KDM3B: variants seen among roughly 807,000 people sequenced by gnomAD.
KDM3B encodes lysine-specific demethylase 3B.
In KDM3B, 10 loss-of-function variants were observed where a neutral mutation model predicts 170.0. The ratio of observed to expected loss-of-function variants is 0.06; its 90% confidence interval spans 0.04 to 0.10. The LOEUF (loss-of-function observed/expected upper bound fraction) is 0.10. KDM3B is among the 10% of genes least tolerant of loss of function. The pLI, the probability that KDM3B is intolerant of heterozygous loss-of-function variation, is 1.00. For missense variants in KDM3B, 1,394 were observed against 2,195.2 expected (o/e 0.64, Z 7.29); for synonymous variants, 831 against 834.8 (o/e 1.00, Z 0.08).
chr5:138,372,640 G>A (rs1761902329), intron 1 of KDM3B, 34 bp from the exon 2 acceptor site: 1 of 1,588,136 alleles, frequency 6.3e-7, no homozygotes, highest in South Asian at 1.1e-5. Flanking sequence ...ATTTTTCCAA[G>A]TGTGACTTCC....
At chr5:138,423,676 C>T (rs546437466) in intron 15 of KDM3B, among the ~76,000 whole-genome samples, 21 of 152,232 alleles carry the variant, frequency 1.4e-4, no homozygotes, top group Admixed American at 1.2e-3. Flanking sequence ...TATTGTATCC[C>T]TTGGGCATGC....
At chr5:138,420,666 C>T in intron 14 of KDM3B, 40 bp from the exon 15 acceptor site, 1 of 1,608,278 alleles carries the variant, frequency 6.2e-7, no homozygotes, top group Non-Finnish European at 8.5e-7. Context: ...CTGATTATTC[C>T]TTTTTGTACC....
chr5:138,408,291 C>T (rs1762874919), intron 11 of KDM3B, among the ~76,000 whole-genome samples: 1 of 151,760 alleles, frequency 6.6e-6, no homozygotes, highest in South Asian at 2.1e-4. Flanking sequence ...ACCAACTGGT[C>T]TGGGAGTCCC....
At chr5:138,406,398 C>CT (rs1762822039) in intron 11 of KDM3B, among the ~76,000 whole-genome samples, 1 of 152,050 alleles carries the variant, frequency 6.6e-6, no homozygotes, top group Non-Finnish European at 1.5e-5. Context: ...AATCCCAGCA[C>CT]TTTGGGAGGC....
chr5:138,397,932 G>A, intron 9 of KDM3B: 1 of 391,352 alleles, frequency 2.6e-6, no homozygotes, highest in Non-Finnish European at 4.6e-6. Context: ...GGGTGCAGGT[G>A]TAGAACAGGT....
chr5:138,419,604 A>C (rs7720215), intron 14 of KDM3B, among the ~76,000 whole-genome samples: 5,793 of 146,398 alleles, frequency 0.04, 169 homozygotes, highest in South Asian at 0.11. Context: ...GCAGTGAGCC[A>C]AGATCATGCC....
chr5:138,406,419 G>A (rs1762822402), intron 11 of KDM3B, among the ~76,000 whole-genome samples: 1 of 152,150 alleles, frequency 6.6e-6, no homozygotes, highest in African/African-American at 2.4e-5. Context: ...TGAGGCAGGT[G>A]GATCACCTGA....
chr5:138,423,954 T>G (rs900896682), intron 15 of KDM3B, 121 bp from the exon 16 acceptor site: 1 of 917,706 alleles, frequency 1.1e-6, no homozygotes, highest in Admixed American at 2.7e-5. Context: ...ATTTTAATAA[T>G]TTTTGTAGAA....
rs998159830 is a variant in KDM3B, at chr5:138,352,869, C to T, written c.74C>T (p.Ser25Leu). Residue 25 changes from serine to leucine, a missense_variant, in exon 1 of 24, where the codon TCG becomes TTG. Ser to Leu is a moderately radical substitution (Grantham distance 145, BLOSUM62 -2). Around this residue, in one of 19 missense-constraint regions of KDM3B, gnomAD observed 99 missense variants for 97.5 expected, o/e 1.02. Transcript: ENST00000314358. ...LLFADTAASASASAPAAAAAS... is the reference protein window; with the variant it reads ...LLFADTAASALASAPAAAAAS... ...TTCGCGGACACTGCGGCCTCAGCCTCGGCCTCGGCTCCCGCGGCGGCAGCG... is the reference window on the plus strand; with the variant it reads ...TTCGCGGACACTGCGGCCTCAGCCTTGGCCTCGGCTCCCGCGGCGGCAGCG... The T allele has an allele frequency of 1.7e-5, 23 of 1,377,694 alleles. No homozygotes were observed. Among genetic ancestry groups the T allele is most frequent in the Non-Finnish European group, 2.1e-5 (22 of 1,062,448 alleles). 85.3% of individuals were successfully genotyped at this position (1,377,694 alleles called of 1,614,324 possible).
chr5:138,380,448 C>T lies in KDM3B; in HGVS notation c.705+740C>T, dbSNP rs535462795. Among the ~76,000 whole-genome samples the T allele has an allele frequency of 2.0e-5, 3 of 151,214 alleles. No homozygotes were observed. In the South Asian group the frequency reaches 6.3e-4, roughly 32 times the overall value. ...ATAGTTATATAATTTACCTTTTTTA[C>T]TTAATTGTATATAGTGAGCATTTTT... On this transcript the variant is annotated intron_variant, in intron 5 of 23. Coordinates refer to ENST00000314358, the MANE Select transcript of KDM3B (RefSeq NM_016604.4).
intron 15 of KDM3B, among the ~76,000 whole-genome samples, chr5:138,421,341 C>T (rs1189734056): frequency 6.6e-6 from 1 of 152,174 alleles, no homozygotes; most frequent in Non-Finnish European, 1.5e-5. Context: ...GATCTTCTGA[C>T]CATAAGCTTG....
chr5:138,374,341 C>T (rs1432976207), intron 2 of KDM3B: 5 of 429,974 alleles, frequency 1.2e-5, no homozygotes, highest in Non-Finnish European at 2.3e-5. Context: ...CGGCTCACCA[C>T]CCCGCCTCCC....
At chr5:138,405,007 C>G (rs900255161) in intron 11 of KDM3B, among the ~76,000 whole-genome samples, 1 of 151,918 alleles carries the variant, frequency 6.6e-6, no homozygotes, top group African/African-American at 2.4e-5. Context: ...TCCCAAAGTG[C>G]TGGGATTACA....
intron 22 of KDM3B, 27 bp from the exon 23 acceptor site, chr5:138,431,394 ATATT>A (rs774013327): frequency 6.5e-7 from 1 of 1,537,426 alleles, no homozygotes; most frequent in South Asian, 1.3e-5. Context: ...CTAATGTCTG[ATATT>A]TCTCCTCTGC....
chr5:138,433,185 C>G (rs1015293509), intron 23 of KDM3B, among the ~76,000 whole-genome samples: 9 of 151,088 alleles, frequency 6.0e-5, no homozygotes, highest in Middle Eastern at 3.4e-3. Flanking sequence ...GATCTCGGCT[C>G]ACTGCAACCT....
At chr5:138,419,728 T>TACAC (rs144047213) in intron 14 of KDM3B, among the ~76,000 whole-genome samples, 1,574 of 122,148 alleles carry the variant, frequency 0.013, 20 homozygotes, top group East Asian at 0.035. Context: ...TACACACACA[T>TACAC]ACACACACAC....
intron 3 of KDM3B, among the ~76,000 whole-genome samples, chr5:138,376,532 A>G (rs1289297763): frequency 4.0e-5 from 6 of 151,586 alleles, no homozygotes; most frequent in Non-Finnish European, 5.9e-5. Context: ...GTGAAACCCC[A>G]TCTCTACTAA....
intron 11 of KDM3B, among the ~76,000 whole-genome samples, chr5:138,406,641 T>TA (rs920380398): frequency 8.7e-5 from 13 of 149,850 alleles, no homozygotes; most frequent in African/African-American, 2.0e-4. Flanking sequence ...TCTGTCTCAA[T>TA]AAAAAAAAAG....
intron 7 of KDM3B, among the ~76,000 whole-genome samples, chr5:138,389,314 C>T (rs17171818): frequency 0.3 from 45,195 of 152,044 alleles, 7,540 homozygotes; most frequent in East Asian, 0.57. Context: ...TTGATTCGTA[C>T]GTCTCTATGC....
Sources: gnomAD v4.1 joint callset for allele counts (sites outside exome capture counted in the v4.1 genomes callset) on GRCh38, gnomAD v4.1.1 for gene constraint, gnomAD v4.1.1 regional missense constraint, MANE v1.5 for transcripts, NCBI Gene and HGNC (gene_info 2026-07-23, HGNC 2026-07-21) for gene names.